LPCAT1: variants seen among roughly 807,000 people sequenced by gnomAD.
LPCAT1 encodes lysophosphatidylcholine acyltransferase 1, also known as 1-acylglycerol-3-phosphate O-acyltransferase.
Under a neutral mutation model 60.9 loss-of-function variants are expected in LPCAT1, and 23 were observed. That is an observed-to-expected ratio of 0.38 (90% confidence interval 0.27 to 0.53). The LOEUF (loss-of-function observed/expected upper bound fraction) is 0.53, where lower values mean the gene tolerates loss of function less well. LPCAT1 is among the 20% of genes least tolerant of loss of function. The pLI, the probability that LPCAT1 is intolerant of heterozygous loss-of-function variation, is 0.82. For missense variants in LPCAT1, 622 were observed against 723.6 expected (o/e 0.86, Z 1.61); for synonymous variants, 340 against 301.1 (o/e 1.13, Z -1.34).
In LPCAT1 at chr5:1,495,374, C is replaced by T. The variant is rs765700242; in HGVS notation, c.279-460G>A. Among the ~76,000 whole-genome samples, 4 of 151,606 alleles carry T rather than the reference C, an allele frequency of 2.6e-5. No individual in the cohort carries two copies. The highest frequency in any genetic ancestry group is 4.9e-5 in the African/African-American group (2 of 41,156). On this transcript the variant is annotated intron_variant, in intron 2 of 13. Transcript: ENST00000283415. This position sits in a 1 kb window ranked among gnomAD's most constrained non-coding sequence, Gnocchi z 4.7. ...AGCTGAGGGCGGAAGCTGAGACCTG[C>T]GTGCGAACTTCCCCATCTCATCTCC... is the stretch of plus-strand genomic sequence containing the variant.
intron 13 of LPCAT1, among the ~76,000 whole-genome samples, chr5:1,464,838 ACAC>A (rs1320466911): frequency 1.3e-5 from 2 of 150,662 alleles, no homozygotes; most frequent in African/African-American, 2.5e-5. Context: ...ATGCACGTAC[ACAC>A]AAGTGTGTGC....
chr5:1,476,756 T>G lies in LPCAT1; in HGVS notation c.899+648A>C, dbSNP rs1310976456. The stretch of plus-strand genomic sequence containing the variant: ...GGGAGGACCTGGTTGCAAGGACAAG[T>G]GTGGGGGGAATGGGACCTGAGGGAT... On this transcript the variant is annotated intron_variant, in intron 9 of 13. Transcript: ENST00000283415. This position sits in a 1 kb window ranked among gnomAD's most constrained non-coding sequence, Gnocchi z 8.6. 1.4e-5 allele frequency among the ~76,000 whole-genome samples: 2 copies of G among 140,122 alleles called. No homozygotes were observed. Among genetic ancestry groups the G allele is most frequent in the South Asian group, 2.4e-4 (1 of 4,246 alleles). The allele number at this position is 140,122 out of a possible 152,430, so 91.9% of individuals were successfully genotyped here.
At chr5:1,478,545 GCACCCTCCCGGC>G (rs370481276) in intron 8 of LPCAT1, among the ~76,000 whole-genome samples, 40 of 152,394 alleles carry the variant, frequency 2.6e-4, no homozygotes, top group African/African-American at 8.2e-4. Flanking sequence ...GGCCTGGCCT[GCACCCTCCCGGC>G]CACTGCCCAT....
At position 1,522,518 on chromosome 5, in the gene LPCAT1, C is replaced by A. The variant is rs542864535; in HGVS notation, c.135+1192G>T. Among the ~76,000 whole-genome samples the A allele has an allele frequency of 6.6e-6, 1 of 152,258 alleles. No individual in the cohort carries two copies. Among genetic ancestry groups the A allele is most frequent in the South Asian group, 2.1e-4 (1 of 4,824 alleles). The stretch of plus-strand genomic sequence containing the variant: ...TCACCCTGTGTGTCACCAGGAGGGG[C>A]GGCACCATCGGGCTCTCCTGCTCCC... On this transcript the variant is annotated intron_variant, in intron 1 of 13. Coordinates refer to ENST00000283415, the MANE Select transcript of LPCAT1 (RefSeq NM_024830.5). The surrounding 1 kb of genome is among the most constrained non-coding windows in gnomAD (Gnocchi z 6.8).
At chr5:1,491,499 G>C (rs974657654) in intron 3 of LPCAT1, among the ~76,000 whole-genome samples, 2 of 151,864 alleles carry the variant, frequency 1.3e-5, no homozygotes, top group Non-Finnish European at 2.9e-5. Flanking sequence ...GGTAAATGTG[G>C]GGGGTGCAGG....
chr5:1,481,356 A>C lies in LPCAT1; in HGVS notation c.727-380T>G, dbSNP rs1032455657. 6.6e-6 allele frequency among the ~76,000 whole-genome samples: 1 copy of C among 152,192 alleles called. No individual in the cohort carries two copies. The highest frequency in any genetic ancestry group is 1.5e-5 in the Non-Finnish European group (1 of 68,030). On this transcript the variant is annotated intron_variant, in intron 6 of 13. Coordinates refer to ENST00000283415, the MANE Select transcript of LPCAT1 (RefSeq NM_024830.5). The surrounding 1 kb of genome is among the most constrained non-coding windows in gnomAD (Gnocchi z 7.8). ...CCGCTTTCCTCACAGACCTGGGGAC[A>C]CCAATTCCAGTGTGCACCCGGGACC...
intron 9 of LPCAT1, 112 bp from the exon 10 acceptor site, chr5:1,474,797 T>G: frequency 7.2e-7 from 1 of 1,388,744 alleles, no homozygotes; most frequent in Non-Finnish European, 9.6e-7. Flanking sequence ...GGAGAGGCAG[T>G]GAGACAGGGG....
At chr5:1,517,903 G>A (rs368283442) in intron 1 of LPCAT1, among the ~76,000 whole-genome samples, 6 of 152,258 alleles carry the variant, frequency 3.9e-5, no homozygotes, top group Admixed American at 3.9e-4. Context: ...GGACGAGGTC[G>A]GAGGGCTCAG....
At chr5:1,509,065 G>A (rs1736274500) in intron 1 of LPCAT1, among the ~76,000 whole-genome samples, 1 of 152,262 alleles carries the variant, frequency 6.6e-6, no homozygotes, top group Non-Finnish European at 1.5e-5. Context: ...CCCACTTGTT[G>A]GAGATGTCAC....
intron 1 of LPCAT1, among the ~76,000 whole-genome samples, chr5:1,508,948 G>T (rs1250134303): frequency 1.3e-5 from 2 of 152,270 alleles, no homozygotes; most frequent in Non-Finnish European, 2.9e-5. Context: ...ACACGAGGTT[G>T]CCAGAGAACA....
rs987791984 is a variant in LPCAT1 at position 1,481,154 on chromosome 5, G to C, written c.727-178C>G. On this transcript the variant is annotated intron_variant, in intron 6 of 13. Transcript: ENST00000283415. This position sits in a 1 kb window ranked among gnomAD's most constrained non-coding sequence, Gnocchi z 7.8. The stretch of plus-strand genomic sequence containing the variant: ...CAGAGTCCCTGAGGATCCAGGACTC[G>C]GACCAGCCCCCCAGCCTGAGGTCCC... Among the ~76,000 whole-genome samples the C allele has an allele frequency of 6.6e-6, 1 of 152,078 alleles. No homozygotes were observed. Among genetic ancestry groups the C allele is most frequent in the Non-Finnish European group, 1.5e-5 (1 of 67,990 alleles).
intron 2 of LPCAT1, among the ~76,000 whole-genome samples, chr5:1,500,883 C>T (rs1048663804): frequency 3.3e-5 from 5 of 152,258 alleles, no homozygotes; most frequent in African/African-American, 9.6e-5. Context: ...CCCGGGCCCA[C>T]GGCACCCGCA....
At position 1,494,764 on chromosome 5, in the gene LPCAT1, A is replaced by G; in HGVS notation, c.429T>C (p.Pro143=). 1 of 1,614,174 alleles carries G rather than the reference A, an allele frequency of 6.2e-7. No individual in the cohort carries two copies. The highest frequency in any genetic ancestry group is 1.1e-5 in the South Asian group (1 of 91,078). Residue 143 remains proline, a synonymous_variant, in exon 3 of 14, where the codon CCT becomes CCC. Coordinates refer to ENST00000283415, the MANE Select transcript of LPCAT1 (RefSeq NM_024830.5). ...CGATGGAGGACATCGTCATGGTCAC[A>G]GGGATGGCGTCGAAGTAGGACGAGT... ...APHSSYFDAI[P]VTMTMSSIVM... is the part of the protein sequence containing the mutation.
At chr5:1,517,853 C>A (rs2962060) in intron 1 of LPCAT1, among the ~76,000 whole-genome samples, 1 of 152,252 alleles carries the variant, frequency 6.6e-6, no homozygotes, top group Non-Finnish European at 1.5e-5. Context: ...AGCCCCCACC[C>A]CTGGCAGTGC....
intron 1 of LPCAT1, among the ~76,000 whole-genome samples, chr5:1,510,166 C>T (rs903539868): frequency 6.6e-6 from 1 of 152,180 alleles, no homozygotes; most frequent in Non-Finnish European, 1.5e-5. Flanking sequence ...TGGAGCTTTT[C>T]ACCCCCACCC....
At chr5:1,465,288 G>C (rs947218944) in intron 13 of LPCAT1, among the ~76,000 whole-genome samples, 18 of 132,352 alleles carry the variant, frequency 1.4e-4, no homozygotes, top group African/African-American at 5.4e-4. Flanking sequence ...ACACACGCAC[G>C]GTACTAAACA....
At chr5:1,498,813 T>C (rs1007705528) in intron 2 of LPCAT1, among the ~76,000 whole-genome samples, 1 of 151,936 alleles carries the variant, frequency 6.6e-6, no homozygotes, top group African/African-American at 2.4e-5. Context: ...CACACTCATA[T>C]ACATACTTGC....
rs2126610458 is a variant in LPCAT1 at position 1,510,800 on chromosome 5, G to A, written c.136-9197C>T. On this transcript the variant is annotated intron_variant, in intron 1 of 13. Coordinates refer to ENST00000283415, the MANE Select transcript of LPCAT1 (RefSeq NM_024830.5). Reference sequence around the variant, plus strand: ...CCGCCTGGGCCGTGGTGCTGCATCTGTGGGACACTGGAACATGACCTGGAG... The same window carrying A: ...CCGCCTGGGCCGTGGTGCTGCATCTATGGGACACTGGAACATGACCTGGAG... The A allele has an allele frequency of 1.3e-5, 2 of 152,654 alleles. 1 individual carries two copies. The highest frequency in any genetic ancestry group is 4.1e-4 in the South Asian group (2 of 4,834). 9.5% of individuals were successfully genotyped at this position (152,654 alleles called of 1,614,324 possible).
At position 1,487,481 on chromosome 5, in the gene LPCAT1, C is replaced by T. The variant is rs547753906; in HGVS notation, c.667+910G>A. On this transcript the variant is annotated intron_variant, in intron 5 of 13. Coordinates refer to ENST00000283415, the MANE Select transcript of LPCAT1 (RefSeq NM_024830.5). This position sits in a 1 kb window ranked among gnomAD's most constrained non-coding sequence, Gnocchi z 6.1. ...AAGGAGGGTGGAGGGTGAAAGCACG[C>T]GCATCTGAGCTGGAGGAGGATGGCC... 2.6e-5 allele frequency among the ~76,000 whole-genome samples: 4 copies of T among 152,292 alleles called. No homozygotes were observed. The highest frequency in any genetic ancestry group is 4.1e-4 in the South Asian group (2 of 4,824).
Sources: allele counts gnomAD v4.1 joint callset (sites outside exome capture counted in the v4.1 genomes callset), GRCh38; gene constraint gnomAD v4.1.1; non-coding constraint Gnocchi (gnomAD v3.1); transcripts MANE v1.5; gene names NCBI Gene and HGNC (gene_info 2026-07-23, HGNC 2026-07-21).